The following KLF17 variants were observed in gnomAD, a reference collection of about 807,000 sequenced individuals.
KLF17 encodes KLF transcription factor 17.
In KLF17, 31 loss-of-function variants were observed where a neutral mutation model predicts 34.2. That is an observed-to-expected ratio of 0.91 (90% CI 0.68 to 1.22). The LOEUF (loss-of-function observed/expected upper bound fraction) is 1.22, where lower values mean the gene tolerates loss of function less well. KLF17 is among the 50% of genes most tolerant of loss of function. The pLI is 0.00. For missense variants in KLF17, 478 were observed against 505.2 expected, an observed-to-expected ratio of 0.95 and a Z score of 0.52; for synonymous variants, 179 against 186.7, an observed-to-expected ratio of 0.96 and a Z score of 0.34.
chr1:44,088,464 A>C, the KLF17 span: 5 of 152,448 alleles, frequency 3.3e-5, no homozygotes, highest in African/African-American at 1.2e-4. Flanking sequence ...AAGGAGGCAG[A>C]TGCAGGCCGG....
At chr1:44,090,306 C>CAAAAAAAAAAAAAAAAAAAAAAAAAA in the KLF17 span, among the ~76,000 whole-genome samples, 3 of 23,418 alleles carry the variant, frequency 1.3e-4, 1 homozygote, top group Non-Finnish European at 2.1e-4. Flanking sequence ...CTTGTCTCTA[C>CAAAAAAAAAAAAAAAAAAAAAAAAAA]AAAAAAAAAA....
At chr1:44,126,868 T>C (rs1465621152) in intron 1 of KLF17, among the ~76,000 whole-genome samples, 1 of 152,062 alleles carries the variant, frequency 6.6e-6, no homozygotes, top group African/African-American at 2.4e-5. Context: ...TGTGAATTAG[T>C]ATAGAATATT....
chr1:44,118,132 T>C (rs1434756257), upstream of KLF17, among the ~76,000 whole-genome samples: 2 of 152,154 alleles, frequency 1.3e-5, no homozygotes, highest in Non-Finnish European at 2.9e-5. Flanking sequence ...TCAGCTCACA[T>C]TTCTGTTTTG....
intron 1 of KLF17, among the ~76,000 whole-genome samples, chr1:44,127,893 A>G (rs1225045486): frequency 1.3e-5 from 1 of 78,196 alleles, no homozygotes; most frequent in African/African-American, 5.0e-5. Flanking sequence ...GCAATCTTCA[A>G]TTTCTGTCTT....
chr1:44,069,757 T>A, the KLF17 span: 1 of 152,094 alleles, frequency 6.6e-6, no homozygotes, highest in Admixed American at 6.6e-5. The surrounding 1 kb of genome is among the most constrained non-coding windows in gnomAD (Gnocchi z 4.7). Context: ...AAAGACGGAG[T>A]CTGTTTTTTA....
the KLF17 span, among the ~76,000 whole-genome samples, chr1:44,046,777 T>C: frequency 6.6e-6 from 1 of 152,160 alleles, no homozygotes; most frequent in Non-Finnish European, 1.5e-5. Flanking sequence ...TCCCAGCACA[T>C]TGGGAGGCCG....
chr1:44,066,820 A>T, the KLF17 span, among the ~76,000 whole-genome samples: 1 of 152,214 alleles, frequency 6.6e-6, no homozygotes, highest in African/African-American at 2.4e-5. Flanking sequence ...CACACATGGA[A>T]TATGACACAG....
chr1:44,123,376 C>T (rs2087971734), intron 1 of KLF17, among the ~76,000 whole-genome samples: 1 of 152,142 alleles, frequency 6.6e-6, no homozygotes, highest in Non-Finnish European at 1.5e-5. Context: ...GGAATTTGTC[C>T]ATTTTATCCA....
rs760859256 is a variant in KLF17 at position 44,129,902 on chromosome 1, A to G, written c.631A>G (p.Met211Val). ...AQAVLPSMAQ[M>V]LPPQDAHDLG... ...GGCAGTGCTCCCCTCCATGGCTCAGATGTTGCCCCCGCAAGATGCCCATGA... is the reference window on the plus strand; with the variant it reads ...GGCAGTGCTCCCCTCCATGGCTCAGGTGTTGCCCCCGCAAGATGCCCATGA... Residue 211 changes from methionine to valine, a missense_variant, in exon 2 of 4, where the codon ATG (methionine) becomes GTG (valine). Transcript: ENST00000372299. 2.5e-6 allele frequency: 4 copies of G among 1,614,092 alleles called. No individual in the cohort carries two copies. Among genetic ancestry groups the G allele is most frequent in the Admixed American group, 1.7e-5 (1 of 60,016 alleles).
At chr1:44,066,346 C>CCCA in the KLF17 span, among the ~76,000 whole-genome samples, 66 of 145,186 alleles carry the variant, frequency 4.5e-4, no homozygotes, top group African/African-American at 1.7e-3. Flanking sequence ...ACCCTCCCCC[C>CCCA]AAAAAAAACA....
At chr1:44,066,764 C>G in the KLF17 span, among the ~76,000 whole-genome samples, 1 of 152,098 alleles carries the variant, frequency 6.6e-6, no homozygotes, top group Non-Finnish European at 1.5e-5. Flanking sequence ...ATAAAAGAAC[C>G]ATTCAAATGC....
chr1:44,114,513 A>C (rs2087862900), upstream of KLF17: 1 of 152,190 alleles, frequency 6.6e-6, no homozygotes, highest in African/African-American at 2.4e-5. Context: ...TATAGTAGAC[A>C]CTCATTAAAT....
chr1:44,085,544 G>A, the KLF17 span, among the ~76,000 whole-genome samples: 15 of 152,094 alleles, frequency 9.9e-5, no homozygotes, highest in Admixed American at 1.3e-4. Context: ...TATAATCCCA[G>A]CACTTTGGGA....
the KLF17 span, among the ~76,000 whole-genome samples, chr1:44,108,424 C>A: frequency 6.6e-6 from 1 of 152,098 alleles, no homozygotes; most frequent in Non-Finnish European, 1.5e-5. Flanking sequence ...TGTGAGTCAT[C>A]TAACTTGTAT....
chr1:44,080,713 ATTTTTTT>A, the KLF17 span, among the ~76,000 whole-genome samples: 124 of 92,678 alleles, frequency 1.3e-3, 1 homozygote, highest in East Asian at 0.034. Context: ...ATTATATTGA[ATTTTTTT>A]TTTTTTTTTT....
chr1:44,102,879 T>A, the KLF17 span, among the ~76,000 whole-genome samples: 2 of 152,078 alleles, frequency 1.3e-5, no homozygotes, highest in Admixed American at 6.6e-5. Flanking sequence ...TGATATCTTG[T>A]CATATATATA....
At chr1:44,059,333 G>C in the KLF17 span, among the ~76,000 whole-genome samples, 5 of 152,166 alleles carry the variant, frequency 3.3e-5, no homozygotes, top group Non-Finnish European at 7.3e-5. Context: ...GTTGGGTATA[G>C]AGGCCACTCT....
chr1:44,102,049 A>ACAAACAAG, the KLF17 span, among the ~76,000 whole-genome samples: 149 of 152,154 alleles, frequency 9.8e-4, 1 homozygote, highest in Middle Eastern at 3.4e-3. Flanking sequence ...TGTCTCAAAA[A>ACAAACAAG]CAAACAAACA....
the KLF17 span, among the ~76,000 whole-genome samples, chr1:44,070,590 CTTTTTTTTT>C: frequency 2.5e-5 from 2 of 78,682 alleles, no homozygotes; most frequent in Admixed American, 1.5e-4. Flanking sequence ...TTTCCCTTGT[CTTTTTTTTT>C]TTTTTTTTTT....
Sources: allele counts gnomAD v4.1 joint callset (sites outside exome capture counted in the v4.1 genomes callset), GRCh38; gene constraint gnomAD v4.1.1; non-coding constraint Gnocchi (gnomAD v3.1); transcripts MANE v1.5; gene names NCBI Gene and HGNC (gene_info 2026-07-23, HGNC 2026-07-21).